Variants in DLGAP2 observed in about 807,000 individuals in gnomAD.
DLGAP2 encodes disks large-associated protein 2.
In DLGAP2, 26 loss-of-function variants were observed where a neutral mutation model predicts 100.3. The observed-to-expected ratio is 0.26, with a 90% CI of 0.19 to 0.36. DLGAP2 has a LOEUF of 0.36. DLGAP2 is among the 10% of genes least tolerant of loss of function. The pLI is 1.00. For synonymous variants in DLGAP2, 886 were observed against 630.1 expected (o/e 1.41, Z -6.08); for missense variants, 1,858 against 1,453.2 (o/e 1.28, Z -4.53).
intron 1 of DLGAP2, among the ~76,000 whole-genome samples, chr8:789,791 G>A (rs537863656): frequency 6.6e-6 from 1 of 152,286 alleles, no homozygotes; most frequent in African/African-American, 2.4e-5. Context: ...GCAGTTTAGA[G>A]ACCTGGCCTG....
At position 1,558,502 on chromosome 8, in the gene DLGAP2, C is replaced by T. The variant is rs116007081; in HGVS notation, c.1231-7181C>T. 6.0e-3 allele frequency among the ~76,000 whole-genome samples: 913 copies of T among 152,150 alleles called. 11 individuals carry two copies. Among genetic ancestry groups the T allele is most frequent in the African/African-American group, 0.021 (864 of 41,536 alleles). ...ACACATACAAACATGCACACACATA[C>T]ACACATAGGCATGCATGCACACCCA... On this transcript the variant is annotated intron_variant, in intron 5 of 14. Transcript: ENST00000637795.
chr8:1,452,178 G>A (rs1366614163), intron 3 of DLGAP2, among the ~76,000 whole-genome samples: 1 of 152,266 alleles, frequency 6.6e-6, no homozygotes, highest in Non-Finnish European at 1.5e-5. Flanking sequence ...CCCCGTGGCT[G>A]GATGTTCTGT....
At chr8:996,986 T>C (rs1402224821) in intron 2 of DLGAP2, among the ~76,000 whole-genome samples, 3 of 152,216 alleles carry the variant, frequency 2.0e-5, no homozygotes, top group East Asian at 3.8e-4. Context: ...ATTAATCTTA[T>C]CTCATGTGGA....
chr8:771,679 G>C (rs372630530), intron 1 of DLGAP2, among the ~76,000 whole-genome samples: 1 of 152,254 alleles, frequency 6.6e-6, no homozygotes, highest in South Asian at 2.1e-4. Context: ...TGAACACGAC[G>C]TGGCCTCTGG....
At chr8:1,677,594 C>T (rs151024421) in intron 11 of DLGAP2, among the ~76,000 whole-genome samples, 23 of 152,286 alleles carry the variant, frequency 1.5e-4, no homozygotes, top group African/African-American at 5.5e-4. Flanking sequence ...AGTGTTCTCA[C>T]CCAGCATACT....
intron 1 of DLGAP2, among the ~76,000 whole-genome samples, chr8:792,492 C>T (rs1244789433): frequency 6.6e-6 from 1 of 152,194 alleles, no homozygotes; most frequent in African/African-American, 2.4e-5. Flanking sequence ...AATGTTTCAT[C>T]ATTGCATGAA....
intron 3 of DLGAP2, among the ~76,000 whole-genome samples, chr8:1,314,256 G>C (rs192489265): frequency 6.6e-6 from 1 of 152,156 alleles, no homozygotes; most frequent in African/African-American, 2.4e-5. Flanking sequence ...AGTTAGACAC[G>C]TGAAATACTT....
At chr8:1,455,234 A>G (rs894133988) in intron 3 of DLGAP2, among the ~76,000 whole-genome samples, 2 of 152,356 alleles carry the variant, frequency 1.3e-5, no homozygotes, top group African/African-American at 4.8e-5. Context: ...GTGGACGCCC[A>G]GTCAGGTGCA....
At chr8:774,015 T>G (rs1293877810) in intron 1 of DLGAP2, among the ~76,000 whole-genome samples, 33 of 152,214 alleles carry the variant, frequency 2.2e-4, no homozygotes, top group Admixed American at 2.2e-3. Context: ...ACCTGTTGTT[T>G]CCTCACTTTT....
chr8:1,472,458 G>C (rs181357741), intron 3 of DLGAP2, among the ~76,000 whole-genome samples: 8 of 152,308 alleles, frequency 5.3e-5, no homozygotes, highest in Admixed American at 3.3e-4. Flanking sequence ...CATATTTCCA[G>C]AATTGCTTCC....
chr8:1,486,227 G>C (rs1361972537), intron 3 of DLGAP2, among the ~76,000 whole-genome samples: 2 of 152,160 alleles, frequency 1.3e-5, no homozygotes, highest in Admixed American at 6.5e-5. Context: ...CAGATCATAA[G>C]AGCCAGAGCC....
intron 2 of DLGAP2, among the ~76,000 whole-genome samples, chr8:1,087,016 A>AT (rs773663296): frequency 4.6e-5 from 7 of 152,330 alleles, no homozygotes; most frequent in Middle Eastern, 3.4e-3. Flanking sequence ...CAAAAGACAA[A>AT]TCTTAGCAAA....
chr8:1,280,765 T>C (rs1191895953), intron 3 of DLGAP2, among the ~76,000 whole-genome samples: 6 of 152,094 alleles, frequency 3.9e-5, no homozygotes, highest in Admixed American at 2.6e-4. Flanking sequence ...CAGTTGGGGG[T>C]CAGGTTGCCA....
chr8:798,969 T>TG (rs1796093389), intron 1 of DLGAP2, among the ~76,000 whole-genome samples: 1 of 152,250 alleles, frequency 6.6e-6, no homozygotes, highest in Non-Finnish European at 1.5e-5. Flanking sequence ...CTTAGAATCT[T>TG]GGAGTGTTTT....
At chr8:1,497,103 G>T (rs926075623) in intron 3 of DLGAP2, among the ~76,000 whole-genome samples, 1 of 152,196 alleles carries the variant, frequency 6.6e-6, no homozygotes, top group African/African-American at 2.4e-5. Context: ...CCTAAGCAAG[G>T]GGTCTGAGTG....
chr8:1,064,480 T>G (rs1803183406), intron 2 of DLGAP2, among the ~76,000 whole-genome samples: 1 of 152,234 alleles, frequency 6.6e-6, no homozygotes, highest in African/African-American at 2.4e-5. Context: ...AATGCATTAA[T>G]AACTTCAAAC....
chr8:759,693 G>A (rs1040556555), intron 1 of DLGAP2, among the ~76,000 whole-genome samples: 2 of 152,168 alleles, frequency 1.3e-5, no homozygotes, highest in Non-Finnish European at 2.9e-5. Context: ...GACTCCCTGC[G>A]ACTGGTTCCT....
At chr8:875,524 T>C (rs897631612) in intron 1 of DLGAP2, among the ~76,000 whole-genome samples, 3 of 152,214 alleles carry the variant, frequency 2.0e-5, no homozygotes, top group African/African-American at 4.8e-5. Flanking sequence ...TCTGCTGCCA[T>C]GTGAAGAAGG....
intron 2 of DLGAP2, among the ~76,000 whole-genome samples, chr8:1,071,480 A>G (rs2129037415): frequency 6.6e-6 from 1 of 152,232 alleles, no homozygotes; most frequent in East Asian, 1.9e-4. Context: ...AGTCAGGAGA[A>G]CACTTGCTCC....
Sources: gnomAD v4.1 joint callset for allele counts (sites outside exome capture counted in the v4.1 genomes callset) on GRCh38, gnomAD v4.1.1 for gene constraint, MANE v1.5 for transcripts, NCBI Gene and HGNC (gene_info 2026-07-23, HGNC 2026-07-21) for gene names.